FYB1: variants seen among roughly 807,000 people sequenced by gnomAD.
FYB1 encodes the protein FYN binding protein 1.
Under a neutral mutation model 94.1 loss-of-function variants are expected in FYB1, and 41 were observed. That is an observed-to-expected ratio of 0.44 (90% CI 0.34 to 0.57). FYB1 has a LOEUF of 0.57. FYB1 is among the 20% of genes least tolerant of loss of function. The pLI is 0.02. For missense variants in FYB1, 1,050 were observed against 976.8 expected (o/e 1.07, Z -1.00); for synonymous variants, 367 against 353.2 (o/e 1.04, Z -0.44).
intron 14 of FYB1, among the ~76,000 whole-genome samples, 169 bp downstream of exon 14, chr5:39,122,167 G>T (rs930337806): frequency 6.6e-6 from 1 of 152,092 alleles, no homozygotes; most frequent in Non-Finnish European, 1.5e-5. Context: ...CACAAACCTC[G>T]CAGGGAGGGT....
intron 9 of FYB1, among the ~76,000 whole-genome samples, chr5:39,133,530 G>A (rs137968341): frequency 2.1e-4 from 32 of 152,200 alleles, no homozygotes; most frequent in African/African-American, 7.5e-4. Context: ...GAGGAAAGAA[G>A]CAGAAGACTA....
chr5:39,170,200 G>A (rs1194598402), intron 2 of FYB1: 5 of 814,418 alleles, frequency 6.1e-6, no homozygotes, highest in Non-Finnish European at 8.4e-6. Context: ...GTGAAGTTCA[G>A]TATAGTCAGT....
chr5:39,219,459 A>G lies in FYB1; in HGVS notation c.-44T>C. ...AGCTGTTACCTGACTCCTGCAGAAG[A>G]AGGCGGAAGGATGGCCTCCTTTAGT... On this transcript the variant is annotated 5_prime_UTR_variant, in exon 1 of 19. Transcript: ENST00000512982. 5 of 985,538 alleles carry G rather than the reference A, an allele frequency of 5.1e-6. No homozygotes were observed. Among genetic ancestry groups the G allele is most frequent in the Non-Finnish European group, 6.0e-6 (5 of 829,936 alleles). The allele number at this position is 985,538 out of a possible 1,614,324, so 61.0% of individuals were successfully genotyped here. A position where few individuals can be genotyped will look rare whatever the true frequency, so the allele number is the denominator to read the frequency against.
At chr5:39,137,924 A>AGGCTCTG in intron 6 of FYB1, 1 of 583,730 alleles carries the variant, frequency 1.7e-6, no homozygotes. Context: ...TACCTTCCAA[A>AGGCTCTG]GGCTCTGCTT....
At chr5:39,200,239 T>C (rs1482203033) in intron 2 of FYB1, among the ~76,000 whole-genome samples, 1 of 152,162 alleles carries the variant, frequency 6.6e-6, no homozygotes, top group African/African-American at 2.4e-5. Flanking sequence ...TCACTAAAAA[T>C]CAGACCTTGT....
intron 14 of FYB1, 82 bp from the exon 15 acceptor site, chr5:39,119,716 A>G (rs1739911096): frequency 1.5e-6 from 2 of 1,295,744 alleles, no homozygotes; most frequent in Admixed American, 4.0e-5. Context: ...GATTCATAGC[A>G]TTATATTTTT....
At chr5:39,169,632 G>A (rs1031462034) in intron 2 of FYB1, 1 of 446,480 alleles carries the variant, frequency 2.2e-6, no homozygotes, top group South Asian at 1.8e-5. Context: ...ATTACCTGAG[G>A]TCAGGAGTTC....
intron 1 of FYB1, among the ~76,000 whole-genome samples, chr5:39,218,527 A>T (rs1021620565): frequency 6.6e-6 from 1 of 152,194 alleles, no homozygotes; most frequent in African/African-American, 2.4e-5. Context: ...TTTAATGAAA[A>T]AATATTTAAA....
chr5:39,107,468 GA>G lies in FYB1; in HGVS notation c.2468-4del. 6.6e-7 allele frequency: 1 copy of G among 1,511,964 alleles called. No homozygotes were observed. Among genetic ancestry groups the G allele is most frequent in the Non-Finnish European group, 8.9e-7 (1 of 1,123,720 alleles). The allele number at this position is 1,511,964 out of a possible 1,614,324, so 93.7% of individuals were successfully genotyped here. A position where few individuals can be genotyped will look rare whatever the true frequency, so the allele number is the denominator to read the frequency against. The stretch of plus-strand genomic sequence containing the variant: ...CTAGTCATTGTCATAGATGCAGCCT[GA>G]AAGGAAAAAATACAAATTTAAATAT... On this transcript the variant is annotated splice_polypyrimidine_tract_variant and splice_region_variant and intron_variant, in intron 18 of 18. Coordinates refer to ENST00000512982, the MANE Select transcript of FYB1 (RefSeq NM_001465.6).
intron 2 of FYB1, among the ~76,000 whole-genome samples, chr5:39,200,107 A>G (rs1056760478): frequency 6.6e-6 from 1 of 152,178 alleles, no homozygotes; most frequent in Non-Finnish European, 1.5e-5. Context: ...GAACTGTGGC[A>G]TGGGCTACTG....
At chr5:39,214,180 A>G (rs548533893) in intron 1 of FYB1, among the ~76,000 whole-genome samples, 57 of 152,366 alleles carry the variant, frequency 3.7e-4, no homozygotes, top group African/African-American at 1.4e-3. Flanking sequence ...AATGTAAACC[A>G]AAATGAGATA....
upstream of FYB1, among the ~76,000 whole-genome samples, chr5:39,223,170 C>T (rs1317957483): frequency 6.6e-6 from 1 of 151,902 alleles, no homozygotes; most frequent in Non-Finnish European, 1.5e-5. Context: ...AAAAGCATTG[C>T]TTTTCATGCA....
intron 2 of FYB1, among the ~76,000 whole-genome samples, chr5:39,161,966 A>T (rs1003216422): frequency 6.6e-6 from 1 of 152,238 alleles, no homozygotes; most frequent in African/African-American, 2.4e-5. Flanking sequence ...GTTGTTTGTG[A>T]CTAGTTTCTT....
At chr5:39,206,576 C>G (rs1466145481) in intron 1 of FYB1, among the ~76,000 whole-genome samples, 3 of 152,088 alleles carry the variant, frequency 2.0e-5, no homozygotes, top group Non-Finnish European at 4.4e-5. Flanking sequence ...TTCTATAACT[C>G]CTTAACTTAG....
At chr5:39,203,471 T>G (rs574783768) in intron 1 of FYB1, among the ~76,000 whole-genome samples, 2 of 152,226 alleles carry the variant, frequency 1.3e-5, no homozygotes, top group Admixed American at 6.5e-5. Context: ...ATGTTTAACA[T>G]ACATCTCTGT....
At chr5:39,239,209 T>A (rs1751100979) in intron 1 of FYB1, among the ~76,000 whole-genome samples, 1 of 152,072 alleles carries the variant, frequency 6.6e-6, no homozygotes, top group East Asian at 1.9e-4. Flanking sequence ...AACATCATAC[T>A]AAATGGGCAA....
At chr5:39,169,312 A>C in intron 2 of FYB1, 2 of 787,132 alleles carry the variant, frequency 2.5e-6, no homozygotes, top group Non-Finnish European at 4.6e-6. Context: ...ACAAAAACTC[A>C]TGCTATGGGG....
intron 1 of FYB1, among the ~76,000 whole-genome samples, chr5:39,239,977 C>G (rs886213690): frequency 6.6e-5 from 10 of 151,852 alleles, no homozygotes; most frequent in Admixed American, 2.6e-4. Context: ...CAAAAACAGA[C>G]ACATAGACCA....
At chr5:39,195,322 G>A (rs1200075551) in intron 2 of FYB1, among the ~76,000 whole-genome samples, 2 of 152,190 alleles carry the variant, frequency 1.3e-5, no homozygotes, top group Admixed American at 1.3e-4. Flanking sequence ...ACTGCCACAT[G>A]CTGATATAAA....
Sources: allele counts gnomAD v4.1 joint callset (sites outside exome capture counted in the v4.1 genomes callset), GRCh38; gene constraint gnomAD v4.1.1; transcripts MANE v1.5; gene names NCBI Gene and HGNC (gene_info 2026-07-23, HGNC 2026-07-21).